Variants in HELZ2 observed in about 807,000 individuals in gnomAD.
HELZ2 encodes the protein 3'-5' exoribonuclease HELZ2.
HELZ2 carries 143 observed loss-of-function variants against 208.8 expected under a neutral mutation model. The ratio of observed to expected loss-of-function variants is 0.68; its 90% CI spans 0.60 to 0.79. The LOEUF is 0.79. Among genes scored for constraint, HELZ2 ranks in the 30% least tolerant of loss-of-function variants. HELZ2 has a pLI of 0.00. For synonymous variants in HELZ2, 1,705 were observed against 1,693.7 expected (o/e 1.01, Z -0.16); for missense variants, 3,690 against 3,794.5 (o/e 0.97, Z 0.72).
chr20:63,567,299 C>G, exon 6 of HELZ2: 1 of 1,609,864 alleles, frequency 6.2e-7, no homozygotes, highest in South Asian at 1.1e-5. Context: ...AGGCGGGTGC[C>G]GTGCGAGGCA....
At chr20:63,564,032 T>A (rs746991265) in exon 8 of HELZ2, 1 of 1,604,368 alleles carries the variant, frequency 6.2e-7, no homozygotes, top group Admixed American at 1.7e-5. Flanking sequence ...GGCCAGGAGG[T>A]GCAGCCGCGT....
Position 63,565,955 on chromosome 20 carries a change from G to A in HELZ2, c.2867C>T (p.Ala956Val), listed in dbSNP as rs773852269. Residue 956 changes from alanine (A) to valine (V), a missense_variant, in exon 8 of 19, where the codon GCG (alanine) becomes GTG (valine). Physicochemically the swap from Ala to Val is moderately conservative, Grantham distance 64 (BLOSUM62 0). This residue lies in a region of HELZ2 where 2,564 missense variants were observed against 2,580.5 expected (regional missense o/e 0.99). Coordinates refer to ENST00000467148, the Ensembl canonical transcript of HELZ2. ...TCGGGGAGGCCAGCGCCGTCTCTGC[G>A]CCACACCCTGCTCGACCTGCTCCAT... 71 of 1,598,824 alleles carry A rather than the reference G, an allele frequency of 4.4e-5. No homozygotes were observed. Among genetic ancestry groups the A allele is most frequent in the Middle Eastern group, 3.3e-4 (2 of 6,082 alleles).
chr20:63,563,029 C>T (rs751713615), exon 8 of HELZ2: 24 of 1,600,430 alleles, frequency 1.5e-5, no homozygotes, highest in East Asian at 1.1e-4. Context: ...ACCGGTCCCT[C>T]GGGGCCCGGT....
chr20:63,564,284 T>C, exon 8 of HELZ2: 1 of 1,609,346 alleles, frequency 6.2e-7, no homozygotes, highest in South Asian at 1.1e-5. Flanking sequence ...CAGGGTGCCG[T>C]CCTCGTCCGG....
chr20:63,567,452 C>T, exon 6 of HELZ2: 1 of 1,558,786 alleles, frequency 6.4e-7, no homozygotes, highest in Non-Finnish European at 8.7e-7. Flanking sequence ...GCCAGCTCTG[C>T]CCGTGTGGGC....
At position 63,569,329 on chromosome 20, in the gene HELZ2, G is replaced by C. The variant is rs558509566; in HGVS notation, c.907C>G (p.Pro303Ala). Residue 303 changes from proline to alanine, a missense_variant, in exon 4 of 19, where the codon CCT (proline) becomes GCT (alanine). Pro to Ala is a conservative substitution (Grantham distance 27, BLOSUM62 -1). Around this residue, in one of 3 missense-constraint regions of HELZ2, gnomAD observed 1,119 missense variants for 1,193.4 expected, o/e 0.94. Transcript: ENST00000467148. The stretch of plus-strand genomic sequence containing the variant: ...TGCTCGGCCGTCCGCTCCACGCCAG[G>C]CACCACGTGGCGGTTGCCAGTGTGC... 148 of 1,595,666 alleles carry C rather than the reference G, an allele frequency of 9.3e-5. 2 individuals carry two copies. In the East Asian group the frequency reaches 1.1e-3, roughly 12 times the overall value.
At chr20:63,565,457 A>G in exon 8 of HELZ2, 3 of 1,608,746 alleles carry the variant, frequency 1.9e-6, no homozygotes, top group African/African-American at 1.3e-5. Flanking sequence ...CTCCGCGTGC[A>G]GCAGCTTCCG....
upstream of HELZ2, chr20:63,573,088 G>A (rs41283022): frequency 5.2e-5 from 8 of 152,474 alleles, no homozygotes; most frequent in South Asian, 2.1e-4. This position sits in a 1 kb window ranked among gnomAD's most constrained non-coding sequence, Gnocchi z 4.9. Context: ...TGGTGGCCGC[G>A]GGGCTGTTGG....
upstream of HELZ2, chr20:63,573,183 C>G (rs892902204): frequency 6.6e-6 from 1 of 152,188 alleles, no homozygotes; most frequent in Non-Finnish European, 1.5e-5. This position sits in a 1 kb window ranked among gnomAD's most constrained non-coding sequence, Gnocchi z 4.9. Context: ...GCTCACGGGT[C>G]CACGCAGTCC....
chr20:63,566,084 C>A, exon 8 of HELZ2: 1 of 1,585,818 alleles, frequency 6.3e-7, no homozygotes, highest in Non-Finnish European at 8.5e-7. Context: ...CACGGCGTCC[C>A]CCACTACCAC....
chr20:63,564,385 C>T, exon 8 of HELZ2: 1 of 1,551,236 alleles, frequency 6.4e-7, no homozygotes, highest in South Asian at 1.2e-5. Flanking sequence ...CCACGGAGTC[C>T]AGGCGGGCCG....
chr20:63,570,302 C>G, intron 3 of HELZ2: 1 of 705,196 alleles, frequency 1.4e-6, no homozygotes. Flanking sequence ...ATAACCCTGC[C>G]AAGGTGGGAC....
At position 63,563,918 on chromosome 20, in the gene HELZ2, C is replaced by T. The variant is rs746721648; in HGVS notation, c.4904G>A (p.Gly1635Asp). 2.5e-6 allele frequency: 4 copies of T among 1,592,994 alleles called. No individual in the cohort carries two copies. The South Asian group carries it at 3.3e-5, about 13-fold the overall frequency. The change falls in exon 8 of 19, where the codon GGC becomes GAC. Residue 1635 changes from glycine (G) to aspartate (D), a missense_variant. Physicochemically the swap from Gly to Asp is moderately conservative, Grantham distance 94 (BLOSUM62 -1). This residue lies in a region of HELZ2 where 2,564 missense variants were observed against 2,580.5 expected (regional missense o/e 0.99). Transcript: ENST00000467148. Reference sequence around the variant, plus strand: ...CTCCAGGGCCTTGCGGAGGTCGCGGCCTGCAGGAGCCAGGAATGGGTGCAT... The same window carrying T: ...CTCCAGGGCCTTGCGGAGGTCGCGGTCTGCAGGAGCCAGGAATGGGTGCAT...
At chr20:63,563,946 C>A in exon 8 of HELZ2, 2 of 1,594,716 alleles carry the variant, frequency 1.3e-6, no homozygotes, top group Non-Finnish European at 8.6e-7. Context: ...GGGTGCATGT[C>A]GTCCGTGGTG....
In HELZ2 at chr20:63,560,789, G is replaced by A; in HGVS notation, c.7281+6C>T. 6.2e-7 allele frequency: 1 copy of A among 1,608,636 alleles called. No homozygotes were observed. On this transcript the variant is annotated splice_donor_region_variant and intron_variant, in intron 15 of 18. Transcript: ENST00000467148. ...GTGGGCTGGGGGCTGAGTGGGGCGG[G>A]CTCACCATGCGGTACTGAGTGTCCA... is the stretch of plus-strand genomic sequence containing the variant.
chr20:63,560,903 C>T (rs766874104), exon 15 of HELZ2: 2 of 1,613,084 alleles, frequency 1.2e-6, no homozygotes, highest in Non-Finnish European at 1.7e-6. Flanking sequence ...CAGGCCGCAG[C>T]TGCTTGTGGT....
At chr20:63,568,176 A>G (rs374775001) in intron 5 of HELZ2, 182 bp downstream of exon 6, 12 of 609,204 alleles carry the variant, frequency 2.0e-5, no homozygotes, top group African/African-American at 9.3e-5. Context: ...TCCTCACCTG[A>G]CAGCAGACCC....
chr20:63,566,355 A>C (rs1229001936), intron 7 of HELZ2, 23 bp downstream of exon 8: 1 of 1,545,214 alleles, frequency 6.5e-7, no homozygotes, highest in Non-Finnish European at 8.7e-7. Flanking sequence ...AGCTGGCAGC[A>C]CCTGGCCCCG....
chr20:63,568,735 G>A, exon 5 of HELZ2: 2 of 1,605,280 alleles, frequency 1.2e-6, no homozygotes, highest in Non-Finnish European at 1.7e-6. Context: ...AGCAGCAGCG[G>A]GCCGGAAGCA....
Sources: gnomAD v4.1 joint callset for allele counts on GRCh38, gnomAD v4.1.1 for gene constraint, gnomAD v4.1.1 regional missense constraint, Gnocchi (gnomAD v3.1) non-coding constraint, MANE v1.5 for transcripts, NCBI Gene and HGNC (gene_info 2026-07-23, HGNC 2026-07-21) for gene names.